Variants in BRCA1 observed in about 807,000 individuals in gnomAD.
BRCA1 encodes BRCA1 DNA repair associated, also known as breast cancer type 1 susceptibility protein.
A neutral mutation model predicts 173.7 loss-of-function variants in BRCA1; 140 were observed. The observed-to-expected ratio is 0.81, with a 90% CI of 0.70 to 0.93. BRCA1 has a LOEUF of 0.93. Ranked by LOEUF, BRCA1 falls within the 40% of genes least tolerant of loss-of-function variation. The probability of loss-of-function intolerance (pLI) is 0.00; values close to 1 mark genes in which losing one functional copy is unlikely to be tolerated. For synonymous variants in BRCA1, 662 were observed against 756.0 expected (o/e 0.88, Z 2.04); for missense variants, 1,983 against 2,172.5 (o/e 0.91, Z 1.73).
intron 2 of BRCA1, among the ~76,000 whole-genome samples, chr17:43,123,349 GTTTTTT>G (rs149379936): frequency 1.0e-3 from 86 of 85,154 alleles, no homozygotes; most frequent in African/African-American, 8.8e-4. Context: ...GATCATCCAT[GTTTTTT>G]TTTTTTTTTT....
intron 3 of BRCA1, among the ~76,000 whole-genome samples, chr17:43,107,144 A>C (rs1459552744): frequency 6.8e-6 from 1 of 146,002 alleles, no homozygotes; most frequent in Non-Finnish European, 1.5e-5. Context: ...GGCTCACTGC[A>C]AGCTCCACCT....
intron 14 of BRCA1, among the ~76,000 whole-genome samples, chr17:43,073,682 C>T (rs2052553776): frequency 6.6e-6 from 1 of 152,056 alleles, no homozygotes; most frequent in African/African-American, 2.4e-5. Context: ...TAATAAAGGA[C>T]TGGCCTAAAA....
intron 12 of BRCA1, among the ~76,000 whole-genome samples, chr17:43,082,075 T>G (rs2053024500): frequency 6.6e-6 from 1 of 152,244 alleles, no homozygotes; most frequent in Non-Finnish European, 1.5e-5. Flanking sequence ...CATAGCTTTC[T>G]GAAATTATGG....
chr17:43,115,108 C>T (rs2055201516), intron 3 of BRCA1, among the ~76,000 whole-genome samples: 1 of 152,164 alleles, frequency 6.6e-6, no homozygotes, highest in Admixed American at 6.6e-5. Context: ...ACTGGGAAGG[C>T]TCAAACACAA....
At chr17:43,085,838 A>C (rs1478884727) in intron 11 of BRCA1, among the ~76,000 whole-genome samples, 1 of 152,178 alleles carries the variant, frequency 6.6e-6, no homozygotes, top group African/African-American at 2.4e-5. Flanking sequence ...CATTCATTAC[A>C]TATAAATATA....
In BRCA1 at chr17:43,104,076, AAAAAG is replaced by A. The variant is rs749649759; in HGVS notation, c.441+41_441+45del. 9 of 706,442 alleles carry A rather than the reference AAAAAG, an allele frequency of 1.3e-5. No homozygotes were observed. The South Asian group carries it at 1.8e-4, about 14-fold the overall frequency. 43.8% of individuals were successfully genotyped at this position (706,442 alleles called of 1,614,324 possible). ...CCATCTCAAAAAAAAAAAAGAAAAA[AAAAAG>A]AAAAGAAGAAGAAGAAGAAGAAGAA... is the stretch of plus-strand genomic sequence containing the variant. On this transcript the variant is annotated intron_variant, in intron 6 of 22. Coordinates refer to ENST00000357654, the MANE Select transcript of BRCA1 (RefSeq NM_007294.4).
chr17:43,104,786 C>T (rs2054664416), intron 5 of BRCA1, 82 bp downstream of exon 5: 6 of 1,250,558 alleles, frequency 4.8e-6, no homozygotes, highest in Non-Finnish European at 7.1e-6. Flanking sequence ...CTTATCACCA[C>T]GTCATAGAAA....
chr17:43,079,785 T>C, intron 12 of BRCA1: 1 of 891,218 alleles, frequency 1.1e-6, no homozygotes, highest in East Asian at 2.5e-5. Context: ...GCATAATAGG[T>C]GTTAAAAAAA....
chr17:43,108,764 C>T (rs1240550439), intron 3 of BRCA1, among the ~76,000 whole-genome samples: 2 of 148,490 alleles, frequency 1.3e-5, no homozygotes, highest in Non-Finnish European at 3.0e-5. Context: ...CCTGTAATCC[C>T]AACACTTTGG....
intron 6 of BRCA1, among the ~76,000 whole-genome samples, chr17:43,101,605 C>T (rs1038497958): frequency 1.3e-5 from 2 of 152,018 alleles, no homozygotes; most frequent in Admixed American, 1.3e-4. Flanking sequence ...TAGGTTCAAG[C>T]AATTCTTGTG....
chr17:43,109,673 A>G (rs191509111), intron 3 of BRCA1, among the ~76,000 whole-genome samples: 141 of 152,250 alleles, frequency 9.3e-4, no homozygotes, highest in African/African-American at 3.3e-3. Flanking sequence ...AATACTACAT[A>G]TACTCTAGTA....
chr17:43,073,427 A>C (rs1388000541), intron 14 of BRCA1, among the ~76,000 whole-genome samples: 1 of 152,172 alleles, frequency 6.6e-6, no homozygotes, highest in African/African-American at 2.4e-5. Context: ...AGCATAGCTA[A>C]GTAGAATGTA....
intron 11 of BRCA1, among the ~76,000 whole-genome samples, chr17:43,087,704 A>G (rs2053283715): frequency 6.6e-6 from 1 of 151,662 alleles, no homozygotes; most frequent in South Asian, 2.1e-4. Flanking sequence ...TTAATGATCC[A>G]GTAAAAGCTA....
Position 43,047,678 on chromosome 17 carries a change from T to G in BRCA1, c.5432A>C (p.Gln1811Pro), listed in dbSNP as rs80357040. The G allele has an allele frequency of 6.2e-7, 1 of 1,614,234 alleles. No homozygotes were observed. The highest frequency in any genetic ancestry group is 8.5e-7 in the Non-Finnish European group (1 of 1,180,044). Residue 1811 changes from glutamine (Q) to proline (P), a missense_variant, in exon 22 of 23, where the codon CAG (glutamine) becomes CCG (proline). Coordinates refer to ENST00000357654, the MANE Select transcript of BRCA1 (RefSeq NM_007294.4). The stretch of plus-strand genomic sequence containing the variant: ...ATTGTCCTCTGTCCAGGCATCTGGC[T>G]GCACAACCACAATTGGGTGGACACC... ...GTGVHPIVVV[Q>P]PDAWTEDNGF... is the part of the protein sequence containing the mutation.
intron 1 of BRCA1, among the ~76,000 whole-genome samples, chr17:43,131,426 C>T (rs1025552973): frequency 1.3e-5 from 2 of 152,016 alleles, no homozygotes; most frequent in Non-Finnish European, 2.9e-5. Context: ...CAAGAGATGT[C>T]GGGAGAAGCA....
chr17:43,117,202 G>A (rs2055335625), intron 2 of BRCA1, among the ~76,000 whole-genome samples: 1 of 152,172 alleles, frequency 6.6e-6, no homozygotes, highest in African/African-American at 2.4e-5. Flanking sequence ...AGCACTTTGG[G>A]AGGCTGAGGT....
At position 43,134,347 on chromosome 17, in the gene BRCA1, G is replaced by C. The variant is rs1362238379; in HGVS notation, c.-19-10232C>G. ...AGCCTGCAGACCTTTCAAAGAAGTG[G>C]GGTGGCTTGGGAAGTAAAAGAAGAT... is the stretch of plus-strand genomic sequence containing the variant. On this transcript the variant is annotated intron_variant, in intron 1 of 7. Transcript: ENST00000634433. Among the ~76,000 whole-genome samples the C allele has an allele frequency of 7.2e-5, 11 of 152,122 alleles. No homozygotes were observed. The East Asian group carries it at 2.1e-3, about 29-fold the overall frequency.
chr17:43,124,164 T>C, intron 1 of BRCA1, 49 bp from the exon 2 acceptor site: 1 of 1,093,464 alleles, frequency 9.1e-7, no homozygotes, highest in South Asian at 1.4e-5. Flanking sequence ...AAAAGGTTTA[T>C]AAAATGACAA....
chr17:43,126,955 A>G (rs1169919174), upstream of BRCA1, among the ~76,000 whole-genome samples: 2 of 152,120 alleles, frequency 1.3e-5, no homozygotes, highest in Non-Finnish European at 2.9e-5. Flanking sequence ...TCAGGGGCCT[A>G]GCACCCGGGC....
Sources: gnomAD v4.1 joint callset for allele counts (sites outside exome capture counted in the v4.1 genomes callset) on GRCh38, gnomAD v4.1.1 for gene constraint, MANE v1.5 for transcripts, NCBI Gene and HGNC (gene_info 2026-07-23, HGNC 2026-07-21) for gene names.